The following ALS2CL variants were observed in gnomAD, a reference collection of about 807,000 sequenced individuals.
ALS2CL encodes the protein ALS2 C-terminal-like protein.
ALS2CL carries 112 observed loss-of-function variants against 127.9 expected under a neutral mutation model. The observed-to-expected ratio is 0.88, with a 90% CI of 0.75 to 1.02. The LOEUF is 1.02. Ranked by LOEUF, ALS2CL falls within the 50% of genes least tolerant of loss-of-function variation. The pLI is 0.00. For synonymous variants in ALS2CL, 519 were observed against 527.6 expected (o/e 0.98, Z 0.22); for missense variants, 1,174 against 1,236.7 (o/e 0.95, Z 0.76).
chr3:46,688,178 C>A lies in ALS2CL; in HGVS notation c.222G>T (p.Arg74Ser), dbSNP rs745441766. ...TEESLHSLQERLRYPDSTGLE... is the reference protein window; with the variant it reads ...TEESLHSLQESLRYPDSTGLE... The stretch of plus-strand genomic sequence containing the variant: ...GACCGGTGGAGTCCGGGTAACGCAG[C>A]CTCTCCTGCAGTGAGTGCAGGCTTT... The change falls in exon 3 of 26, where the codon AGG becomes AGT. Residue 74 changes from arginine (R) to serine (S), a missense_variant. By Grantham distance (110) the Arg-to-Ser change is moderately radical. Transcript: ENST00000318962. The A allele has an allele frequency of 6.8e-6, 11 of 1,612,964 alleles. No individual in the cohort carries two copies. Among genetic ancestry groups the A allele is most frequent in the Non-Finnish European group, 8.5e-6 (10 of 1,179,998 alleles).
rs368302960 is a variant in ALS2CL at position 46,683,260 on chromosome 3, C to G, written c.979G>C (p.Val327Leu). The G allele has an allele frequency of 1.9e-5, 30 of 1,609,628 alleles. No individual in the cohort carries two copies. Among genetic ancestry groups the G allele is most frequent in the Non-Finnish European group, 2.4e-5 (28 of 1,178,236 alleles). ...GAGGGCTCCAGGCCAGCCCCCAGCA[C>G]GGGGAAGTCCTTCTTCCCATGCAGG... ...QALHGKKDFP[V>L]LGAGLEPSQP... Residue 327 changes from valine to leucine, a missense_variant, in exon 10 of 26, where the codon GTG becomes CTG. Transcript: ENST00000318962.
chr3:46,677,166 C>G, intron 16 of ALS2CL, 144 bp from the exon 17 acceptor site: 1 of 1,448,476 alleles, frequency 6.9e-7, no homozygotes, highest in Non-Finnish European at 9.0e-7. Context: ...TTGAACCATG[C>G]AGAGGGGGCT....
At chr3:46,685,309 C>T (rs1056347702) in intron 7 of ALS2CL, among the ~76,000 whole-genome samples, 6 of 152,184 alleles carry the variant, frequency 3.9e-5, no homozygotes, top group Non-Finnish European at 7.3e-5. Context: ...GGGCTGAAGC[C>T]GGGACAAACC....
In ALS2CL at chr3:46,671,846, T is replaced by C. The variant is rs1008107082; in HGVS notation, c.2684+38A>G. On this transcript the variant is annotated intron_variant, in intron 24 of 25. Coordinates refer to ENST00000318962, the MANE Select transcript of ALS2CL (RefSeq NM_147129.5). ...GATATCGTGGTTGGGGGTGGGACCC[T>C]GCCCCTGCCCTGCACCCCCAGCTCC... is the stretch of plus-strand genomic sequence containing the variant. 5 of 1,609,584 alleles carry C rather than the reference T, an allele frequency of 3.1e-6. No homozygotes were observed. In the African/African-American group the frequency reaches 6.8e-5, roughly 22 times the overall value.
intron 7 of ALS2CL, among the ~76,000 whole-genome samples, chr3:46,685,274 T>C (rs1699675253): frequency 6.6e-6 from 1 of 152,172 alleles, no homozygotes; most frequent in Non-Finnish European, 1.5e-5. Context: ...GGTGAAGACA[T>C]GTAACCAAGG....
chr3:46,671,736 G>A, intron 24 of ALS2CL, 148 bp downstream of exon 24: 9 of 1,525,744 alleles, frequency 5.9e-6, no homozygotes, highest in Non-Finnish European at 7.9e-6. Context: ...CCCTGGCTGG[G>A]ACCCTCCCTT....
intron 22 of ALS2CL, among the ~76,000 whole-genome samples, chr3:46,672,715 C>T (rs1048859747): frequency 1.3e-5 from 2 of 152,210 alleles, no homozygotes; most frequent in Admixed American, 6.5e-5. Context: ...GTGGTTCTGG[C>T]CAAGCGCAGT....
At chr3:46,673,745 G>C (rs1277748284) in intron 21 of ALS2CL, among the ~76,000 whole-genome samples, 2 of 152,142 alleles carry the variant, frequency 1.3e-5, no homozygotes, top group African/African-American at 4.8e-5. Context: ...AAGCGACACT[G>C]AGGTGGTGAG....
At chr3:46,688,034 C>T (rs1575448424) in intron 3 of ALS2CL, 64 bp downstream of exon 3, 1 of 1,576,042 alleles carries the variant, frequency 6.3e-7, no homozygotes, top group Non-Finnish European at 8.7e-7. Context: ...CCCAGGTGAA[C>T]CTTAATGCCA....
At position 46,682,353 on chromosome 3, in the gene ALS2CL, C is replaced by T. The variant is rs190519069; in HGVS notation, c.1110-259G>A. 9.2e-5 allele frequency among the ~76,000 whole-genome samples: 14 copies of T among 152,336 alleles called. No homozygotes were observed. In the East Asian group the frequency reaches 2.7e-3, roughly 29 times the overall value. ...GGAAAGCCCTGGAGACATCTAGGTTCCCTTTTTTCCCTTGACCAACAGGAA... is the reference window on the plus strand; with the variant it reads ...GGAAAGCCCTGGAGACATCTAGGTTTCCTTTTTTCCCTTGACCAACAGGAA... On this transcript the variant is annotated intron_variant, in intron 10 of 25. Coordinates refer to ENST00000318962, the MANE Select transcript of ALS2CL (RefSeq NM_147129.5).
chr3:46,690,094 G>T (rs1700067756), intron 1 of ALS2CL, among the ~76,000 whole-genome samples: 1 of 152,202 alleles, frequency 6.6e-6, no homozygotes, highest in Non-Finnish European at 1.5e-5. Flanking sequence ...TCATGGGTGT[G>T]AGGGCCCAGC....
rs369149914 is a variant in ALS2CL at position 46,683,348 on chromosome 3, G to A, written c.913-22C>T. On this transcript the variant is annotated intron_variant, in intron 9 of 25. Transcript: ENST00000318962. Reference sequence around the variant, plus strand: ...CTGCCTGGTGGGAGGGGGAACATGGGGAAGGGGATCACTGCTGCTGGAGGC... The same window carrying A: ...CTGCCTGGTGGGAGGGGGAACATGGAGAAGGGGATCACTGCTGCTGGAGGC... 960 of 1,564,926 alleles carry A rather than the reference G, an allele frequency of 6.1e-4. 1 individual carries two copies. The highest frequency in any genetic ancestry group is 7.1e-4 in the Non-Finnish European group (822 of 1,154,236).
Position 46,685,586 on chromosome 3 carries a change from G to A in ALS2CL, c.725C>T (p.Thr242Met), listed in dbSNP as rs749496046. The change falls in exon 7 of 26, where the codon ACG (threonine) becomes ATG (methionine). Residue 242 changes from threonine (T) to methionine (M), a missense_variant. Thr to Met is a moderately conservative substitution (Grantham distance 81). Coordinates refer to ENST00000318962, the MANE Select transcript of ALS2CL (RefSeq NM_147129.5). ...LLQDSQDVPV[T>M]VAPLRAERVL... is the part of the protein sequence containing the mutation. ...ACGCTCAGCCCGCAACGGTGCGACC[G>A]TCACGGGTACGTCCTGGCTGTCCTG... 3.8e-5 allele frequency: 62 copies of A among 1,613,908 alleles called. No individual in the cohort carries two copies. Among genetic ancestry groups the A allele is most frequent in the East Asian group, 8.9e-5 (4 of 44,888 alleles).
rs1385815839 is a variant in ALS2CL, at chr3:46,688,131, C to T, written c.269G>A (p.Arg90Gln). 6.2e-6 allele frequency: 10 copies of T among 1,613,076 alleles called. No individual in the cohort carries two copies. Among genetic ancestry groups the T allele is most frequent in the South Asian group, 1.1e-5 (1 of 91,090 alleles). The change falls in exon 3 of 26, where the codon CGA (arginine) becomes CAA (glutamine). Residue 90 changes from arginine (R) to glutamine (Q), a missense_variant. By Grantham distance (43) the Arg-to-Gln change is conservative (BLOSUM62 1). Transcript: ENST00000318962. ...STGLESLLLL[R>Q]GADRVLQAHI... ...GGCCTGCAGTACACGGTCAGCACCTCGCAGCAGCAGCAGGGACTCCAGACC... is the reference window on the plus strand; with the variant it reads ...GGCCTGCAGTACACGGTCAGCACCTTGCAGCAGCAGCAGGGACTCCAGACC...
intron 14 of ALS2CL, 54 bp downstream of exon 14, chr3:46,680,376 C>G: frequency 6.4e-7 from 1 of 1,556,078 alleles, no homozygotes; most frequent in South Asian, 1.1e-5. Flanking sequence ...CCTCAGTGCC[C>G]CCAGCGGGAG....
At chr3:46,676,557 G>A in intron 18 of ALS2CL, 85 bp downstream of exon 18, 1 of 1,550,406 alleles carries the variant, frequency 6.4e-7, no homozygotes. Context: ...CCTTCAGTCA[G>A]CACCCTGCTA....
intron 1 of ALS2CL, among the ~76,000 whole-genome samples, chr3:46,692,133 G>T (rs578256077): frequency 1.3e-5 from 2 of 152,278 alleles, no homozygotes; most frequent in South Asian, 4.1e-4. Context: ...TGAGGCAGTG[G>T]GTTGGGGGAA....
chr3:46,686,858 C>T lies in ALS2CL; in HGVS notation c.534+125G>A. 8.3e-7 allele frequency: 1 copy of T among 1,205,156 alleles called. No homozygotes were observed. The highest frequency in any genetic ancestry group is 1.1e-6 in the Non-Finnish European group (1 of 905,186). 74.7% of individuals were successfully genotyped at this position (1,205,156 alleles called of 1,614,324 possible). ...GCCTGTGACTTCCTCAACCCTCTCC[C>T]ACCTGCCGGCATGGCTGAGTCCTTC... On this transcript the variant is annotated intron_variant, in intron 5 of 25. Transcript: ENST00000318962. The surrounding 1 kb of genome is among the most constrained non-coding windows in gnomAD (Gnocchi z 4.3).
intron 20 of ALS2CL, 171 bp from the exon 21 acceptor site, chr3:46,674,910 T>G (rs1698690480): frequency 1.7e-6 from 1 of 589,326 alleles, no homozygotes; most frequent in Admixed American, 3.7e-5. Flanking sequence ...ATTTGCCCAA[T>G]TCAATTCATA....
Sources: allele counts gnomAD v4.1 joint callset (sites outside exome capture counted in the v4.1 genomes callset), GRCh38; gene constraint gnomAD v4.1.1; non-coding constraint Gnocchi (gnomAD v3.1); transcripts MANE v1.5; gene names NCBI Gene and HGNC (gene_info 2026-07-23, HGNC 2026-07-21).